Variants in SUN5 observed in about 807,000 individuals in gnomAD.
The protein encoded by SUN5 is SUN domain-containing protein 5.
In SUN5, 44 loss-of-function variants were observed where a neutral mutation model predicts 53.7. That is an observed-to-expected ratio of 0.82 (90% confidence interval 0.64 to 1.05). The LOEUF is 1.05. SUN5 is among the 50% of genes least tolerant of loss of function. The pLI is 0.00. For synonymous variants in SUN5, 166 were observed against 179.8 expected, an observed-to-expected ratio of 0.92 and a Z score of 0.62; for missense variants, 433 against 483.8, an observed-to-expected ratio of 0.90 and a Z score of 0.98.
chr20:32,994,525 T>C (rs888242292), intron 8 of SUN5, among the ~76,000 whole-genome samples: 4 of 152,154 alleles, frequency 2.6e-5, no homozygotes, highest in Non-Finnish European at 5.9e-5. Flanking sequence ...AGGTGAAATG[T>C]TGGGGAATTT....
chr20:32,994,274 A>G (rs1989782671), intron 8 of SUN5, among the ~76,000 whole-genome samples: 2 of 152,340 alleles, frequency 1.3e-5, no homozygotes, highest in South Asian at 4.1e-4. Flanking sequence ...AGAAAAGGGG[A>G]ACTTTCTCTA....
At chr20:32,988,175 C>T (rs991641568) in intron 9 of SUN5, among the ~76,000 whole-genome samples, 1 of 152,182 alleles carries the variant, frequency 6.6e-6, no homozygotes, top group Non-Finnish European at 1.5e-5. Flanking sequence ...AAGTGCCTGG[C>T]ACAGGGTAAG....
Position 32,983,828 on chromosome 20 carries a change from T to C in SUN5, c.1106A>G (p.Gln369Arg). The C allele has an allele frequency of 6.3e-7, 1 of 1,576,702 alleles. No individual in the cohort carries two copies. The highest frequency in any genetic ancestry group is 1.2e-5 in the South Asian group (1 of 83,796). ...VHGSVAPPREQPHQNPYPKRD is the reference protein window; with the variant it reads ...VHGSVAPPRERPHQNPYPKRD The stretch of plus-strand genomic sequence containing the variant: ...CTTAGGGTAGGGGTTCTGGTGAGGC[T>C]GCTCTCTGGGCGGGGCCACAGAGCC... The change falls in exon 13 of 13, where the codon CAG (glutamine) becomes CGG (arginine). Residue 369 changes from glutamine (Q) to arginine (R), a missense_variant. Transcript: ENST00000356173.
chr20:32,995,921 A>G lies in SUN5; in HGVS notation c.426-194T>C, dbSNP rs143421189. Among the ~76,000 whole-genome samples the G allele has an allele frequency of 5.3e-5, 8 of 152,254 alleles. No homozygotes were observed. The East Asian group carries it at 1.5e-3, about 29-fold the overall frequency. On this transcript the variant is annotated intron_variant, in intron 7 of 12. Coordinates refer to ENST00000356173, the MANE Select transcript of SUN5 (RefSeq NM_080675.4). ...TCATTCTCTTCTTTCTGCTTGGAATATCTTTATACCCAGCTCATTCCTTCC... is the reference window on the plus strand; with the variant it reads ...TCATTCTCTTCTTTCTGCTTGGAATGTCTTTATACCCAGCTCATTCCTTCC...
chr20:32,986,041 C>G (rs1989530512), intron 10 of SUN5, 138 bp from the exon 11 acceptor site: 1 of 893,014 alleles, frequency 1.1e-6, no homozygotes, highest in Non-Finnish European at 1.7e-6. Flanking sequence ...GTGCCACCCC[C>G]TCCAGGAAGC....
At position 33,001,519 on chromosome 20, in the gene SUN5, CTTCTTTCT is replaced by C. The variant is rs112468655; in HGVS notation, c.212-249_212-242del. On this transcript the variant is annotated intron_variant, in intron 3 of 12. Coordinates refer to ENST00000356173, the MANE Select transcript of SUN5 (RefSeq NM_080675.4). ...CAGTTAACAGACATTTTCTTTCTTT[CTTCTTTCT>C]TTCTTTCTTTCTTTCTTTCTTTCTT... is the stretch of plus-strand genomic sequence containing the variant. Among the ~76,000 whole-genome samples, 700 of 121,368 alleles carry C rather than the reference CTTCTTTCT, an allele frequency of 5.8e-3. 9 individuals carry two copies. The highest frequency in any genetic ancestry group is 0.02 in the South Asian group (77 of 3,922). The allele number at this position is 121,368 out of a possible 152,430, so 79.6% of individuals were successfully genotyped here.
chr20:33,002,584 T>TAC lies in SUN5; in HGVS notation c.211+1_211+2dup, dbSNP rs774740932. 189 of 1,614,116 alleles carry TAC rather than the reference T, an allele frequency of 1.2e-4. No homozygotes were observed. The Middle Eastern group carries it at 1.8e-3, about 15-fold the overall frequency. On this transcript the variant is annotated splice_region_variant and intron_variant, in intron 3 of 12. Coordinates refer to ENST00000356173, the MANE Select transcript of SUN5 (RefSeq NM_080675.4). ...CGAAGGTGATTATTCAGTATATACG[T>TAC]ACACACACATCCCAGCATGCACTGA...
intron 8 of SUN5, among the ~76,000 whole-genome samples, chr20:32,994,902 A>G (rs529245811): frequency 1.3e-5 from 2 of 152,286 alleles, no homozygotes; most frequent in South Asian, 4.1e-4. Context: ...GGATTTAATA[A>G]TAAATTGGAG....
rs758363667 is a variant in SUN5, at chr20:33,000,082, C to T, written c.332G>A (p.Cys111Tyr). The part of the protein sequence containing the change: ...LMEKTGILLL[C>Y]AFGFWMFSIH... ...AGGGCCCTGGGACACACCGAAAGCACAGAGGAGCAGAATGCCTGTCTTCTC... is the reference window on the plus strand; with the variant it reads ...AGGGCCCTGGGACACACCGAAAGCATAGAGGAGCAGAATGCCTGTCTTCTC... The change falls in exon 5 of 13, where the codon TGT becomes TAT. Residue 111 changes from cysteine to tyrosine, a missense_variant. Physicochemically the swap from Cys to Tyr is radical, Grantham distance 194 (BLOSUM62 -2). Transcript: ENST00000356173. 6.2e-6 allele frequency: 10 copies of T among 1,609,256 alleles called. No homozygotes were observed. The highest frequency in any genetic ancestry group is 1.3e-5 in the African/African-American group (1 of 75,016).
Position 33,002,910 on chromosome 20 carries a change from C to G in SUN5, c.87G>C (p.Gln29His), listed in dbSNP as rs776687506. 6 of 1,614,158 alleles carry G rather than the reference C, an allele frequency of 3.7e-6. No individual in the cohort carries two copies. The South Asian group carries it at 5.5e-5, about 15-fold the overall frequency. Residue 29 changes from glutamine (Q) to histidine (H), a missense_variant, in exon 2 of 13, where the codon CAG (glutamine) becomes CAC (histidine). Gln to His is a conservative substitution (Grantham distance 24, BLOSUM62 0). Transcript: ENST00000356173. ...AHNPRPRRIA[Q>H]RGRNTSRMAE... Reference sequence around the variant, plus strand: ...CCATCCTGCTGGTGTTCCGGCCTCGCTGGGCAATCCTGGGGATGATAAGAT... The same window carrying G: ...CCATCCTGCTGGTGTTCCGGCCTCGGTGGGCAATCCTGGGGATGATAAGAT...
chr20:32,989,548 C>T, intron 9 of SUN5, 72 bp downstream of exon 9: 3 of 1,390,896 alleles, frequency 2.2e-6, no homozygotes, highest in Non-Finnish European at 3.1e-6. Flanking sequence ...CACACCAGAA[C>T]TGAAACCCAC....
chr20:33,002,120 G>C (rs1990065629), intron 3 of SUN5, among the ~76,000 whole-genome samples: 2 of 151,966 alleles, frequency 1.3e-5, no homozygotes, highest in South Asian at 2.1e-4. Flanking sequence ...AGGAAGGTGA[G>C]AGGACACAGG....
intron 5 of SUN5, among the ~76,000 whole-genome samples, chr20:32,999,508 C>A (rs1989943094): frequency 6.6e-6 from 1 of 152,138 alleles, no homozygotes; most frequent in African/African-American, 2.4e-5. Flanking sequence ...CAGAGAATTG[C>A]TTGAACCCGG....
At chr20:32,985,267 C>T in intron 11 of SUN5, 82 bp from the exon 12 acceptor site, 2 of 1,285,338 alleles carry the variant, frequency 1.6e-6, no homozygotes, top group Non-Finnish European at 2.2e-6. Flanking sequence ...TGGAGACTTG[C>T]ACACTCCCCA....
intron 6 of SUN5, 80 bp downstream of exon 6, chr20:32,997,558 T>C (rs1235567806): frequency 1.3e-6 from 2 of 1,511,906 alleles, no homozygotes; most frequent in Admixed American, 1.8e-5. Context: ...TTGGTGAGAA[T>C]GAATGGAGCT....
chr20:32,993,368 C>G (rs1402200146), intron 8 of SUN5, among the ~76,000 whole-genome samples: 1 of 152,134 alleles, frequency 6.6e-6, no homozygotes, highest in Non-Finnish European at 1.5e-5. Flanking sequence ...TTTTAAATCT[C>G]TGGGGGTATT....
At chr20:33,000,767 T>C (rs6057697) in intron 4 of SUN5, among the ~76,000 whole-genome samples, 9 of 151,226 alleles carry the variant, frequency 6.0e-5, no homozygotes, top group Non-Finnish European at 8.8e-5. Flanking sequence ...ATTGCTTGAA[T>C]TCGAAAAGTA....
chr20:32,992,295 C>T (rs949867994), intron 8 of SUN5, among the ~76,000 whole-genome samples: 2 of 152,166 alleles, frequency 1.3e-5, no homozygotes, highest in African/African-American at 4.8e-5. Flanking sequence ...CAATTGAGAA[C>T]CACTGATTTA....
intron 5 of SUN5, among the ~76,000 whole-genome samples, chr20:32,998,403 G>T (rs1989910181): frequency 6.6e-6 from 1 of 152,080 alleles, no homozygotes; most frequent in African/African-American, 2.4e-5. Flanking sequence ...GGGAGGCAGA[G>T]GTTGCAGTGA....
Sources: gnomAD v4.1 joint callset for allele counts (sites outside exome capture counted in the v4.1 genomes callset) on GRCh38, gnomAD v4.1.1 for gene constraint, MANE v1.5 for transcripts, NCBI Gene and HGNC (gene_info 2026-07-23, HGNC 2026-07-21) for gene names.